Variants in OR10R2 observed in about 807,000 individuals in gnomAD.
OR10R2 encodes the protein olfactory receptor family 10 subfamily R member 2, also known as olfactory receptor 10R2.
OR10R2 carries 1 observed loss-of-function variant against 2.4 expected under a neutral mutation model. That is an observed-to-expected ratio of 0.41 (90% CI 0.15 to 1.95). The LOEUF (loss-of-function observed/expected upper bound fraction) is 1.95, where lower values mean the gene tolerates loss of function less well. Among genes scored for constraint, OR10R2 ranks in the 30% most tolerant of loss-of-function variants. The pLI, the probability that OR10R2 is intolerant of heterozygous loss-of-function variation, is 0.30. For synonymous variants in OR10R2, 166 were observed against 144.8 expected, an observed-to-expected ratio of 1.15 and a Z score of -1.05; for missense variants, 419 against 373.0, an observed-to-expected ratio of 1.12 and a Z score of -1.01.
chr1:158,480,374 C>T, exon 2 of OR10R2: 12 of 1,614,156 alleles, frequency 7.4e-6, no homozygotes, highest in Non-Finnish European at 1.0e-5. Flanking sequence ...AAACTGGCAG[C>T]TGCCTGTGCA....
At chr1:158,473,907 GCTTC>G (rs1193165381) in intron 1 of OR10R2, among the ~76,000 whole-genome samples, 1 of 117,680 alleles carries the variant, frequency 8.5e-6, no homozygotes, top group African/African-American at 3.5e-5. Context: ...TTCCCTCTCT[GCTTC>G]CTTCCTTCCC....
At chr1:158,480,045 A>G (rs62642483) in exon 2 of OR10R2, 2 of 1,613,936 alleles carry the variant, frequency 1.2e-6, no homozygotes, top group Non-Finnish European at 8.5e-7. Flanking sequence ...TTCTGTATCT[A>G]GTCATTCTTA....
chr1:158,480,317 G>A (rs1656365264), exon 2 of OR10R2: 1 of 1,614,120 alleles, frequency 6.2e-7, no homozygotes, highest in Non-Finnish European at 8.5e-7. Flanking sequence ...GCTGCCATTT[G>A]TCACCCTCTG....
At chr1:158,473,986 T>TTTTCTTCTC (rs1370652051) in intron 1 of OR10R2, among the ~76,000 whole-genome samples, 2 of 151,194 alleles carry the variant, frequency 1.3e-5, no homozygotes, top group Non-Finnish European at 3.0e-5. Flanking sequence ...TTCTTTTTTC[T>TTTTCTTCTC]TTTCTTCTCT....
intron 1 of OR10R2, among the ~76,000 whole-genome samples, chr1:158,473,393 C>T (rs1656200251): frequency 6.6e-6 from 1 of 152,160 alleles, no homozygotes; most frequent in African/African-American, 2.4e-5. Flanking sequence ...GAGTGTTTCA[C>T]AAGGGTAAAG....
chr1:158,473,009 C>T (rs1380222213), intron 1 of OR10R2, among the ~76,000 whole-genome samples: 4 of 152,074 alleles, frequency 2.6e-5, no homozygotes, highest in Admixed American at 2.6e-4. Flanking sequence ...AATTTATTTG[C>T]TCAAAGAAAA....
At chr1:158,477,903 C>A (rs1226341562) in intron 1 of OR10R2, among the ~76,000 whole-genome samples, 1 of 152,110 alleles carries the variant, frequency 6.6e-6, no homozygotes, top group Non-Finnish European at 1.5e-5. Context: ...CAACTTCAAA[C>A]TATACTATAA....
intron 1 of OR10R2, 45 bp from the exon 2 acceptor site, chr1:158,479,893 A>G (rs1471102030): frequency 6.2e-7 from 1 of 1,607,012 alleles, no homozygotes; most frequent in African/African-American, 1.3e-5. Context: ...CCAAATTCTT[A>G]TATTCACATA....
intron 1 of OR10R2, chr1:158,474,469 G>A (rs1232019998): frequency 6.6e-6 from 1 of 152,164 alleles, no homozygotes; most frequent in Non-Finnish European, 1.5e-5. Flanking sequence ...AGTGTCATAA[G>A]ATATTTATTC....
chr1:158,480,107 C>T (rs1192142909), exon 2 of OR10R2: 1 of 1,613,208 alleles, frequency 6.2e-7, no homozygotes, highest in Non-Finnish European at 8.5e-7. Context: ...AGCCTCCACA[C>T]ACCAATGTAC....
chr1:158,477,295 T>C (rs1656289342), intron 1 of OR10R2, among the ~76,000 whole-genome samples: 1 of 152,206 alleles, frequency 6.6e-6, no homozygotes, highest in Admixed American at 6.5e-5. Flanking sequence ...TACCCATTCT[T>C]ACCACTCCTA....
At chr1:158,474,632 G>A (rs989190869) in intron 1 of OR10R2, 1 of 152,156 alleles carries the variant, frequency 6.6e-6, no homozygotes, top group African/African-American at 2.4e-5. Context: ...CAGTTGGTCA[G>A]CCCATTGAGT....
rs189035836 is a variant in OR10R2, at chr1:158,476,759, T to C, written c.28-3179T>C. Among the ~76,000 whole-genome samples, 119 of 152,234 alleles carry C rather than the reference T, an allele frequency of 7.8e-4. 1 individual carries two copies. Among genetic ancestry groups the C allele is most frequent in the Middle Eastern group, 3.4e-3 (1 of 294 alleles). On this transcript the variant is annotated intron_variant, in intron 1 of 1. Transcript: ENST00000641067. ...TTTCAATGTGTAGATACAAGTCTTT[T>C]ATTTCATAGCATTCTGACTGGTGTG...
intron 1 of OR10R2, among the ~76,000 whole-genome samples, chr1:158,476,306 G>C (rs1426164923): frequency 5.3e-5 from 8 of 151,990 alleles, no homozygotes; most frequent in African/African-American, 1.4e-4. Flanking sequence ...CCAGCACTTT[G>C]GGAGTCCGAG....
At chr1:158,479,240 C>A (rs1656329458) in intron 1 of OR10R2, among the ~76,000 whole-genome samples, 1 of 152,112 alleles carries the variant, frequency 6.6e-6, no homozygotes, top group African/African-American at 2.4e-5. Flanking sequence ...ATTTTATAAT[C>A]ATCTTATCAA....
chr1:158,477,635 T>C (rs576309289), intron 1 of OR10R2, among the ~76,000 whole-genome samples: 1 of 152,186 alleles, frequency 6.6e-6, no homozygotes, highest in Admixed American at 6.5e-5. Flanking sequence ...TAAAAAACAC[T>C]GCTCAAAGAA....
exon 2 of OR10R2, chr1:158,480,837 T>C: frequency 1.3e-6 from 2 of 1,595,600 alleles, no homozygotes; most frequent in Non-Finnish European, 1.7e-6. Flanking sequence ...TCCAACTTGC[T>C]ATCAGAAAAG....
chr1:158,480,656 C>T, exon 2 of OR10R2: 2 of 1,613,960 alleles, frequency 1.2e-6, no homozygotes, highest in Non-Finnish European at 1.7e-6. Context: ...GCGTTTTCCA[C>T]CTGCGCCTCT....
chr1:158,480,432 C>A (rs756455834), exon 2 of OR10R2: 1 of 1,614,006 alleles, frequency 6.2e-7, no homozygotes, highest in Non-Finnish European at 8.5e-7. Flanking sequence ...TAGTTTTCAG[C>A]CTCCCTTTTT....
Sources: gnomAD v4.1 joint callset for allele counts (sites outside exome capture counted in the v4.1 genomes callset) on GRCh38, gnomAD v4.1.1 for gene constraint, MANE v1.5 for transcripts, NCBI Gene and HGNC (gene_info 2026-07-23, HGNC 2026-07-21) for gene names.